The following FAM149B1 variants were observed in gnomAD, a reference collection of about 807,000 sequenced individuals.
The protein encoded by FAM149B1 is family with sequence similarity 149 member B1.
A neutral mutation model predicts 75.3 loss-of-function variants in FAM149B1; 56 were observed. The observed-to-expected ratio is 0.74, with a 90% CI of 0.60 to 0.93. The LOEUF is 0.93. FAM149B1 is among the 40% of genes least tolerant of loss of function. The probability of loss-of-function intolerance (pLI) is 0.00; values close to 1 mark genes in which losing one functional copy is unlikely to be tolerated. For missense variants in FAM149B1, 639 were observed against 708.4 expected, an observed-to-expected ratio of 0.90 and a Z score of 1.11; for synonymous variants, 259 against 256.1, an observed-to-expected ratio of 1.01 and a Z score of -0.11.
At position 73,210,412 on chromosome 10, in the gene FAM149B1, G is replaced by A. The variant is rs1436592821; in HGVS notation, c.872G>A (p.Arg291His). The A allele has an allele frequency of 1.3e-5, 20 of 1,542,282 alleles. No individual in the cohort carries two copies. The highest frequency in any genetic ancestry group is 7.4e-5 in the East Asian group (3 of 40,794). Residue 291 changes from arginine to histidine, a missense_variant, in exon 7 of 14, where the codon CGT (arginine) becomes CAT (histidine). Physicochemically the swap from Arg to His is conservative, Grantham distance 29. Coordinates refer to ENST00000242505, the MANE Select transcript of FAM149B1 (RefSeq NM_173348.2). ...KVVSCMEQLT[R>H]SHWEGFASDD... The stretch of plus-strand genomic sequence containing the variant: ...GTGAGCTGTATGGAGCAGTTGACAC[G>A]TAGTCACTGGGAAGGATTTGCCTCT...
At chr10:73,200,350 A>G in intron 5 of FAM149B1, 1 of 499,274 alleles carries the variant, frequency 2.0e-6, no homozygotes, top group Non-Finnish European at 3.9e-6. Flanking sequence ...AACAAAACAA[A>G]ACAAAAAATA....
intron 9 of FAM149B1, among the ~76,000 whole-genome samples, chr10:73,231,726 G>C (rs2043703719): frequency 6.6e-6 from 1 of 152,188 alleles, no homozygotes; most frequent in African/African-American, 2.4e-5. Context: ...TGGCGGAAAA[G>C]ATGGGTTTCT....
chr10:73,229,157 G>A (rs372161675), intron 8 of FAM149B1, among the ~76,000 whole-genome samples: 1 of 152,190 alleles, frequency 6.6e-6, no homozygotes, highest in African/African-American at 2.4e-5. Context: ...GGTATTTCTT[G>A]CAGGAGGCAG....
intron 9 of FAM149B1, among the ~76,000 whole-genome samples, chr10:73,232,045 A>T (rs935188935): frequency 6.6e-6 from 1 of 152,168 alleles, no homozygotes. Flanking sequence ...GCACGGTGCC[A>T]TGTTTTGCAC....
chr10:73,226,280 G>A (rs1325946088), intron 7 of FAM149B1, among the ~76,000 whole-genome samples: 6 of 152,124 alleles, frequency 3.9e-5, no homozygotes, highest in Admixed American at 3.3e-4. Flanking sequence ...GCCGAGGCGG[G>A]TGGATCATGA....
intron 3 of FAM149B1, among the ~76,000 whole-genome samples, chr10:73,187,024 G>C (rs543193018): frequency 6.6e-6 from 1 of 152,204 alleles, no homozygotes; most frequent in African/African-American, 2.4e-5. Flanking sequence ...TGAATTTCAT[G>C]GTGTGTGAAT....
intron 7 of FAM149B1, among the ~76,000 whole-genome samples, chr10:73,217,796 C>T (rs2043329309): frequency 6.6e-6 from 1 of 152,164 alleles, no homozygotes; most frequent in Non-Finnish European, 1.5e-5. Flanking sequence ...TAGGCATGAA[C>T]ACCAAGAGGT....
chr10:73,216,481 T>C (rs1188690887), intron 7 of FAM149B1, among the ~76,000 whole-genome samples: 3 of 148,934 alleles, frequency 2.0e-5, no homozygotes, highest in African/African-American at 7.5e-5. Flanking sequence ...TCTTTTTCTC[T>C]GTCTTTTGTC....
intron 3 of FAM149B1, among the ~76,000 whole-genome samples, chr10:73,187,058 A>G (rs747902577): frequency 2.0e-5 from 3 of 152,218 alleles, no homozygotes; most frequent in Admixed American, 6.5e-5. Flanking sequence ...AAAAATTTGT[A>G]TTTCTATACA....
chr10:73,226,448 T>C (rs1384462555), intron 7 of FAM149B1, among the ~76,000 whole-genome samples: 1 of 152,092 alleles, frequency 6.6e-6, no homozygotes, highest in Non-Finnish European at 1.5e-5. Flanking sequence ...GAGCTTGCAG[T>C]GAGCGGAGCT....
rs1009922649 is a variant in FAM149B1, at chr10:73,212,859, C to G, written c.898+2421C>G. 8.8e-5 allele frequency among the ~76,000 whole-genome samples: 13 copies of G among 148,320 alleles called. 1 individual carries two copies. The highest frequency in any genetic ancestry group is 2.7e-4 in the African/African-American group (11 of 40,002). On this transcript the variant is annotated intron_variant, in intron 7 of 13. Coordinates refer to ENST00000242505, the MANE Select transcript of FAM149B1 (RefSeq NM_173348.2). ...TCTCTCTCTCACTCTCTCTCTCTCT[C>G]TGTGTTTCTCTCTCTCTCTGTCACC... is the stretch of plus-strand genomic sequence containing the variant.
chr10:73,188,902 GA>G (rs1267765340), intron 3 of FAM149B1, among the ~76,000 whole-genome samples: 3 of 149,256 alleles, frequency 2.0e-5, no homozygotes, highest in East Asian at 2.0e-4. Context: ...ATATTAAAAA[GA>G]AAAAAAAAGG....
chr10:73,239,190 C>G, intron 12 of FAM149B1, 122 bp from the exon 13 acceptor site: 1 of 754,698 alleles, frequency 1.3e-6, no homozygotes, highest in East Asian at 2.9e-5. Context: ...TGACTTTTCC[C>G]TCAAGTTGGT....
In FAM149B1 at chr10:73,242,152, T is replaced by C. The variant is rs2043961822; in HGVS notation, c.*1133T>C. On this transcript the variant is annotated 3_prime_UTR_variant, in exon 14 of 14. Coordinates refer to ENST00000242505, the MANE Select transcript of FAM149B1 (RefSeq NM_173348.2). ...AAACAACCTGCATTAAATTATATTT[T>C]TAATAAAATTAAAATCTATTTTTAA... 6.6e-6 allele frequency: 1 copy of C among 152,212 alleles called. No individual in the cohort carries two copies. The highest frequency in any genetic ancestry group is 1.5e-5 in the Non-Finnish European group (1 of 68,038). The allele number at this position is 152,212 out of a possible 1,614,324, so 9.4% of individuals were successfully genotyped here. A position where few individuals can be genotyped will look rare whatever the true frequency, so the allele number is the denominator to read the frequency against.
At position 73,204,809 on chromosome 10, in the gene FAM149B1, G is replaced by T. The variant is rs190311782; in HGVS notation, c.543-3810G>T. Among the ~76,000 whole-genome samples the T allele has an allele frequency of 1.0e-4, 13 of 126,358 alleles. No individual in the cohort carries two copies. The East Asian group carries it at 2.7e-3, about 26-fold the overall frequency. 82.9% of individuals were successfully genotyped at this position (126,358 alleles called of 152,430 possible). A position where few individuals can be genotyped will look rare whatever the true frequency, so the allele number is the denominator to read the frequency against. ...TTTTTTTTTTTTGAGACGGAGTCTC[G>T]CTCTGACGCCCAGGCTGGAGTGCAG... is the stretch of plus-strand genomic sequence containing the variant. On this transcript the variant is annotated intron_variant, in intron 5 of 13. Transcript: ENST00000242505.
intron 13 of FAM149B1, among the ~76,000 whole-genome samples, chr10:73,240,689 G>T (rs1346497907): frequency 1.3e-5 from 2 of 151,574 alleles, no homozygotes; most frequent in Non-Finnish European, 2.9e-5. Context: ...CTCCAGCCTG[G>T]GGGGACAGAG....
chr10:73,201,212 T>TA (rs1171224486), intron 5 of FAM149B1: 1 of 235,384 alleles, frequency 4.2e-6, no homozygotes, highest in Non-Finnish European at 9.2e-6. Context: ...CCCATAAATG[T>TA]AGCTGACCGT....
intron 9 of FAM149B1, chr10:73,230,776 T>C (rs571529635): frequency 2.7e-5 from 10 of 363,752 alleles, no homozygotes; most frequent in Non-Finnish European, 4.7e-5. Context: ...ATGTGCGTGC[T>C]GTCCAGAATG....
intron 9 of FAM149B1, chr10:73,231,245 G>A (rs1022489769): frequency 1.3e-5 from 2 of 152,066 alleles, no homozygotes; most frequent in Non-Finnish European, 2.9e-5. Flanking sequence ...ATTAACAAGG[G>A]TCATTTCCAG....
Sources: allele counts gnomAD v4.1 joint callset (sites outside exome capture counted in the v4.1 genomes callset), GRCh38; gene constraint gnomAD v4.1.1; transcripts MANE v1.5; gene names NCBI Gene and HGNC (gene_info 2026-07-23, HGNC 2026-07-21).